LRRIQ1: variants seen among roughly 807,000 people sequenced by gnomAD.
LRRIQ1 encodes the protein leucine rich repeats and IQ motif containing 1.
In LRRIQ1, 210 loss-of-function variants were observed where a neutral mutation model predicts 211.9. The ratio of observed to expected loss-of-function variants is 0.99; its 90% confidence interval spans 0.89 to 1.11. The LOEUF (loss-of-function observed/expected upper bound fraction) is 1.11, where lower values mean the gene tolerates loss of function less well. LRRIQ1 is among the 50% of genes most tolerant of loss of function. The probability of loss-of-function intolerance (pLI) is 0.00; values close to 1 mark genes in which losing one functional copy is unlikely to be tolerated. For synonymous variants in LRRIQ1, 699 were observed against 650.1 expected (o/e 1.08, Z -1.14); for missense variants, 2,136 against 1,939.5 (o/e 1.10, Z -1.90).
chr12:85,102,959 A>AAATATATATATATATAT (rs1458673370), intron 13 of LRRIQ1, among the ~76,000 whole-genome samples: 1 of 108,500 alleles, frequency 9.2e-6, no homozygotes, highest in African/African-American at 4.2e-5. Context: ...AAAAAAAAAA[A>AAATATATATATATATAT]ATATATATAT....
At chr12:85,264,408 A>G (rs1485094602) in exon 2 of LRRIQ1, 1 of 152,020 alleles carries the variant, frequency 6.6e-6, no homozygotes, top group Non-Finnish European at 1.5e-5. Flanking sequence ...TGATGCTCCT[A>G]AATTTGTAGG....
intron 23 of LRRIQ1, among the ~76,000 whole-genome samples, chr12:85,157,269 C>A (rs1338692788): frequency 6.6e-6 from 1 of 151,504 alleles, no homozygotes; most frequent in Non-Finnish European, 1.5e-5. Flanking sequence ...AGAAGTGAGA[C>A]CATCTGATTA....
chr12:85,155,287 C>T (rs546139616), intron 23 of LRRIQ1, among the ~76,000 whole-genome samples: 124 of 151,484 alleles, frequency 8.2e-4, no homozygotes, highest in African/African-American at 2.8e-3. Flanking sequence ...AATATAAACA[C>T]CTTGCTTTTT....
chr12:85,099,813 C>T (rs548448082), intron 13 of LRRIQ1, among the ~76,000 whole-genome samples: 7 of 151,866 alleles, frequency 4.6e-5, no homozygotes, highest in Admixed American at 2.6e-4. Flanking sequence ...CTCTCAATCT[C>T]TTCCACAACA....
chr12:85,156,725 A>G lies in LRRIQ1; in HGVS notation c.4720+2631A>G, dbSNP rs551062664. 5.3e-4 allele frequency among the ~76,000 whole-genome samples: 81 copies of G among 152,016 alleles called. 1 individual carries two copies. The South Asian group carries it at 0.015, about 29-fold the overall frequency. On this transcript the variant is annotated intron_variant, in intron 23 of 26. Transcript: ENST00000393217. Reference sequence around the variant, plus strand: ...ATATACTTGGAGATACATATCTTACATAGACAACTTGCCAACTTGAAATTT... The same window carrying G: ...ATATACTTGGAGATACATATCTTACGTAGACAACTTGCCAACTTGAAATTT...
At chr12:85,089,836 T>A (rs1414454684) in intron 11 of LRRIQ1, among the ~76,000 whole-genome samples, 2 of 151,782 alleles carry the variant, frequency 1.3e-5, no homozygotes, top group South Asian at 2.1e-4. Context: ...TTGGGGGGAG[T>A]AATTAAAGCA....
chr12:85,095,602 C>T (rs1339280568), intron 11 of LRRIQ1, among the ~76,000 whole-genome samples: 1 of 151,826 alleles, frequency 6.6e-6, no homozygotes, highest in Non-Finnish European at 1.5e-5. Context: ...TCTGTCACTG[C>T]CAGATTTTGG....
chr12:85,220,799 C>A (rs1304362475), intron 24 of LRRIQ1, among the ~76,000 whole-genome samples: 5 of 128,776 alleles, frequency 3.9e-5, no homozygotes, highest in Non-Finnish European at 3.2e-5. Context: ...CCCCCCTCCC[C>A]CCTGTTTTTA....
chr12:85,122,773 G>A (rs1475009751), intron 16 of LRRIQ1, among the ~76,000 whole-genome samples: 1 of 151,902 alleles, frequency 6.6e-6, no homozygotes, highest in East Asian at 1.9e-4. Flanking sequence ...TATAAGTAAT[G>A]TTTAATGTAA....
At chr12:85,206,560 T>C (rs2137045313) in intron 24 of LRRIQ1, among the ~76,000 whole-genome samples, 1 of 152,176 alleles carries the variant, frequency 6.6e-6, no homozygotes, top group East Asian at 1.9e-4. Flanking sequence ...TGTCCACATG[T>C]TAACCAGCAA....
chr12:85,170,667 A>G (rs2136807147), intron 24 of LRRIQ1, among the ~76,000 whole-genome samples: 1 of 151,950 alleles, frequency 6.6e-6, no homozygotes, highest in Admixed American at 6.6e-5. Context: ...TTTTGTTAAA[A>G]AAAAAGAGGA....
chr12:85,179,664 A>C (rs764965261), intron 24 of LRRIQ1, among the ~76,000 whole-genome samples: 1 of 151,968 alleles, frequency 6.6e-6, no homozygotes, highest in African/African-American at 2.4e-5. Flanking sequence ...TCTTTCTAAA[A>C]TGTCCTATTC....
chr12:85,135,375 A>G (rs1889051796), intron 18 of LRRIQ1, among the ~76,000 whole-genome samples: 1 of 151,746 alleles, frequency 6.6e-6, no homozygotes. Context: ...TGAGATACAT[A>G]GTATCTGGTT....
At position 85,052,171 on chromosome 12, in the gene LRRIQ1, G is replaced by A; in HGVS notation, c.679-6G>A. ...ATAGTCATATTTATTATTATCATAT[G>A]TTCAGCAAGAACAGGACAAGATGAA... On this transcript the variant is annotated splice_polypyrimidine_tract_variant and splice_region_variant and intron_variant, in intron 6 of 26. Transcript: ENST00000393217. 1.4e-6 allele frequency: 2 copies of A among 1,459,816 alleles called. No individual in the cohort carries two copies. Among genetic ancestry groups the A allele is most frequent in the Non-Finnish European group, 1.9e-6 (2 of 1,071,890 alleles). The allele number at this position is 1,459,816 out of a possible 1,614,324, so 90.4% of individuals were successfully genotyped here.
chr12:85,092,436 A>G (rs1885489186), intron 11 of LRRIQ1, among the ~76,000 whole-genome samples: 1 of 152,196 alleles, frequency 6.6e-6, no homozygotes, highest in Non-Finnish European at 1.5e-5. Flanking sequence ...AGATAACCTC[A>G]GCCAAAATGA....
exon 2 of LRRIQ1, chr12:85,263,736 A>G (rs1339729151): frequency 6.6e-6 from 1 of 152,022 alleles, no homozygotes; most frequent in African/African-American, 2.4e-5. Context: ...TTATTATACT[A>G]ATTCAAGAAA....
In LRRIQ1 at chr12:85,055,737, A is replaced by C. The variant is rs1242792080; in HGVS notation, c.944A>C (p.Lys315Thr). 6.2e-6 allele frequency: 10 copies of C among 1,607,382 alleles called. No homozygotes were observed. Among genetic ancestry groups the C allele is most frequent in the Non-Finnish European group, 7.6e-6 (9 of 1,177,934 alleles). Residue 315 changes from lysine (K) to threonine (T), a missense_variant, in exon 8 of 27, where the codon AAA becomes ACA. Coordinates refer to ENST00000393217, the MANE Select transcript of LRRIQ1 (RefSeq NM_001079910.2). ...PIIKEQIESK[K>T]RKAQEWKEKE... ...ATTAAAGAGCAAATTGAAAGTAAGA[A>C]AAGGAAAGCACAAGAGTGGAAGGAA...
chr12:85,064,815 T>G (rs945822439), intron 8 of LRRIQ1, among the ~76,000 whole-genome samples: 3 of 151,852 alleles, frequency 2.0e-5, no homozygotes, highest in African/African-American at 7.3e-5. Context: ...CTTGGCACCT[T>G]TGTCGAAAAT....
chr12:85,134,112 C>T (rs1161026360), intron 18 of LRRIQ1, among the ~76,000 whole-genome samples: 1 of 152,124 alleles, frequency 6.6e-6, no homozygotes, highest in Non-Finnish European at 1.5e-5. Flanking sequence ...TGCAAGAATG[C>T]ATAGAAGACA....
Sources: gnomAD v4.1 joint callset for allele counts (sites outside exome capture counted in the v4.1 genomes callset) on GRCh38, gnomAD v4.1.1 for gene constraint, MANE v1.5 for transcripts, NCBI Gene and HGNC (gene_info 2026-07-23, HGNC 2026-07-21) for gene names.